The following SULF2 variants were observed in gnomAD, a reference collection of about 807,000 sequenced individuals.
SULF2 encodes extracellular sulfatase Sulf-2.
A neutral mutation model predicts 107.7 loss-of-function variants in SULF2; 52 were observed. That is an observed-to-expected ratio of 0.48 (90% CI 0.39 to 0.61). The LOEUF is 0.61. Among genes scored for constraint, SULF2 ranks in the 20% least tolerant of loss-of-function variants. The pLI, the probability that SULF2 is intolerant of heterozygous loss-of-function variation, is 0.00. For missense variants in SULF2, 993 were observed against 1,177.3 expected, an observed-to-expected ratio of 0.84 and a Z score of 2.29; for synonymous variants, 460 against 464.3, an observed-to-expected ratio of 0.99 and a Z score of 0.12.
At chr20:47,778,813 G>C (rs536745409) in intron 1 of SULF2, among the ~76,000 whole-genome samples, 1 of 152,252 alleles carries the variant, frequency 6.6e-6, no homozygotes, top group Non-Finnish European at 1.5e-5. Flanking sequence ...TCATCAAATA[G>C]ATTCATGACA....
chr20:47,745,931 A>C (rs767178661), intron 2 of SULF2, among the ~76,000 whole-genome samples: 7 of 152,234 alleles, frequency 4.6e-5, no homozygotes, highest in Non-Finnish European at 7.3e-5. Context: ...AGGTCTGCCC[A>C]AAAGGAAAGG....
chr20:47,669,914 T>C (rs796672797), intron 11 of SULF2, among the ~76,000 whole-genome samples: 6 of 152,376 alleles, frequency 3.9e-5, no homozygotes, highest in African/African-American at 1.4e-4. Context: ...AAGGAGATGC[T>C]GGCTGTGTAA....
chr20:47,690,028 C>T (rs1456779321), intron 5 of SULF2, 98 bp downstream of exon 5: 1 of 1,161,542 alleles, frequency 8.6e-7, no homozygotes, highest in Non-Finnish European at 1.1e-6. Context: ...AGAGAGGAGG[C>T]ACAGTGAAGT....
At chr20:47,784,586 G>T (rs113827277) in intron 1 of SULF2, among the ~76,000 whole-genome samples, 1 of 152,064 alleles carries the variant, frequency 6.6e-6, no homozygotes, top group South Asian at 2.1e-4. Context: ...CCAGTGAACC[G>T]GCAGCTTCTG....
rs138012658 is a variant in SULF2 at position 47,732,615 on chromosome 20, G to T, written c.415+4088C>A. ...CTAGCCCTTTGGGAGGCCGAGGAGGGTGGATCGCTTGAGGTCAGGAGTTCG... is the reference window on the plus strand; with the variant it reads ...CTAGCCCTTTGGGAGGCCGAGGAGGTTGGATCGCTTGAGGTCAGGAGTTCG... On this transcript the variant is annotated intron_variant, in intron 3 of 20. Transcript: ENST00000688720. 6.0e-3 allele frequency among the ~76,000 whole-genome samples: 879 copies of T among 145,456 alleles called. 7 individuals are homozygous for T. The highest frequency in any genetic ancestry group is 0.019 in the African/African-American group (793 of 41,238).
chr20:47,705,602 T>A (rs2088707451), intron 3 of SULF2, among the ~76,000 whole-genome samples: 1 of 152,112 alleles, frequency 6.6e-6, no homozygotes, highest in Admixed American at 6.5e-5. Flanking sequence ...AGGGGGTAAT[T>A]TCTGTCCCCA....
intron 2 of SULF2, among the ~76,000 whole-genome samples, chr20:47,750,575 C>G (rs1205859061): frequency 6.6e-6 from 1 of 152,226 alleles, no homozygotes; most frequent in Non-Finnish European, 1.5e-5. Context: ...TCTCATTACA[C>G]CTATTCAGTC....
At chr20:47,748,464 CCTT>C (rs1279960360) in intron 2 of SULF2, among the ~76,000 whole-genome samples, 1 of 152,240 alleles carries the variant, frequency 6.6e-6, no homozygotes, top group African/African-American at 2.4e-5. Context: ...ATCTCTTTCT[CCTT>C]CTTCCTCTGA....
In SULF2 at chr20:47,769,020, A is replaced by ACT. The variant is rs1466213426; in HGVS notation, c.-100-11558_-100-11557insAG. On this transcript the variant is annotated intron_variant, in intron 1 of 20. Coordinates refer to ENST00000688720, the MANE Select transcript of SULF2 (RefSeq NM_001387048.1). ...CTCAGCCTCCTGAGTAGCTGGGATT[A>ACT]CAGGCACCCGCCACCATGCCTGCCT... Among the ~76,000 whole-genome samples, 3 of 146,348 alleles carry ACT rather than the reference A, an allele frequency of 2.0e-5. No homozygotes were observed. The East Asian group carries it at 6.1e-4, about 30-fold the overall frequency.
At chr20:47,745,395 A>G (rs1394897986) in intron 2 of SULF2, among the ~76,000 whole-genome samples, 409 of 22,214 alleles carry the variant, frequency 0.018, 26 homozygotes, top group African/African-American at 0.12. Context: ...AAAAAAAAAA[A>G]AAAAAAAAAA....
At position 47,736,804 on chromosome 20, in the gene SULF2, T is replaced by C; in HGVS notation, c.314A>G (p.Asn105Ser). ...GCAGTTCTCATTGTTGGTGTAGGTG[T>C]TGTGGTTGTGGACGTACTTGCCAGT... ...ILTGKYVHNH[N>S]TYTNNENCSS... The change falls in exon 3 of 21, where the codon AAC (asparagine) becomes AGC (serine). Residue 105 changes from asparagine to serine, a missense_variant. Coordinates refer to ENST00000688720, the MANE Select transcript of SULF2 (RefSeq NM_001387048.1). 1 of 1,614,094 alleles carries C rather than the reference T, an allele frequency of 6.2e-7. No individual in the cohort carries two copies. The highest frequency in any genetic ancestry group is 8.5e-7 in the Non-Finnish European group (1 of 1,179,978).
At chr20:47,700,194 T>C (rs2088514581) in intron 4 of SULF2, among the ~76,000 whole-genome samples, 1 of 152,188 alleles carries the variant, frequency 6.6e-6, no homozygotes, top group Non-Finnish European at 1.5e-5. Flanking sequence ...CTTCTCCTCC[T>C]CATCATCTAA....
chr20:47,772,458 G>T (rs953119804), intron 1 of SULF2, among the ~76,000 whole-genome samples: 1 of 152,226 alleles, frequency 6.6e-6, no homozygotes, highest in African/African-American at 2.4e-5. Flanking sequence ...TGACATTGTG[G>T]TTACATTCTT....
At chr20:47,673,088 A>G (rs2146450526) in intron 10 of SULF2, among the ~76,000 whole-genome samples, 1 of 152,334 alleles carries the variant, frequency 6.6e-6, no homozygotes, top group East Asian at 1.9e-4. Context: ...ATCACTGTCC[A>G]AATCTCTCGT....
At position 47,759,585 on chromosome 20, in the gene SULF2, G is replaced by A. The variant is rs1419720349; in HGVS notation, c.-100-2122C>T. 3.9e-5 allele frequency among the ~76,000 whole-genome samples: 6 copies of A among 152,126 alleles called. No individual in the cohort carries two copies. In the South Asian group the frequency reaches 8.3e-4, roughly 21 times the overall value. On this transcript the variant is annotated intron_variant, in intron 1 of 20. Transcript: ENST00000688720. ...CACATGCCTGTAATCCCAGCTACTC[G>A]GGAGGCTGAGGCAGGAGAATCGCTT...
Position 47,678,569 on chromosome 20 carries a change from G to T in SULF2, c.1193+107C>A. ...GGCATGGCGGGACCTGAGAACCCCA[G>T]CTCCCGACCCTTGGAGACCCCACGT... is the stretch of plus-strand genomic sequence containing the variant. On this transcript the variant is annotated intron_variant, in intron 8 of 20. Transcript: ENST00000688720. The surrounding 1 kb of genome is among the most constrained non-coding windows in gnomAD (Gnocchi z 4.5). 1 of 1,415,172 alleles carries T rather than the reference G, an allele frequency of 7.1e-7. No homozygotes were observed. The highest frequency in any genetic ancestry group is 9.6e-7 in the Non-Finnish European group (1 of 1,038,932). 87.7% of individuals were successfully genotyped at this position (1,415,172 alleles called of 1,614,324 possible).
chr20:47,709,037 C>T (rs1211644231), intron 3 of SULF2, among the ~76,000 whole-genome samples: 2 of 152,114 alleles, frequency 1.3e-5, no homozygotes, highest in Non-Finnish European at 2.9e-5. Flanking sequence ...TTATATTTCC[C>T]CAAGGCACTT....
At chr20:47,725,325 G>A (rs1347123794) in intron 3 of SULF2, among the ~76,000 whole-genome samples, 1 of 152,174 alleles carries the variant, frequency 6.6e-6, no homozygotes, top group African/African-American at 2.4e-5. Context: ...ATAGACGTAG[G>A]TTCAAGACTC....
intron 3 of SULF2, among the ~76,000 whole-genome samples, chr20:47,730,278 G>C (rs2089559664): frequency 1.3e-5 from 2 of 152,376 alleles, no homozygotes; most frequent in South Asian, 4.1e-4. Flanking sequence ...GAAGGGCAGA[G>C]GGCCCGCCAC....
Sources: allele counts gnomAD v4.1 joint callset (sites outside exome capture counted in the v4.1 genomes callset), GRCh38; gene constraint gnomAD v4.1.1; non-coding constraint Gnocchi (gnomAD v3.1); transcripts MANE v1.5; gene names NCBI Gene and HGNC (gene_info 2026-07-23, HGNC 2026-07-21).